The following RUBCN variants were observed in gnomAD, a reference collection of about 807,000 sequenced individuals.
RUBCN encodes the protein rubicon autophagy regulator.
A neutral mutation model predicts 113.2 loss-of-function variants in RUBCN; 74 were observed. The observed-to-expected ratio is 0.65, with a 90% CI of 0.54 to 0.79. RUBCN has a LOEUF of 0.79. Among genes scored for constraint, RUBCN ranks in the 30% least tolerant of loss-of-function variants. RUBCN has a pLI of 0.00. For missense variants in RUBCN, 1,109 were observed against 1,251.7 expected (o/e 0.89, Z 1.72); for synonymous variants, 480 against 490.0 (o/e 0.98, Z 0.27).
intron 16 of RUBCN, among the ~76,000 whole-genome samples, chr3:197,678,640 G>A (rs1276259651): frequency 6.7e-6 from 1 of 148,738 alleles, no homozygotes; most frequent in Non-Finnish European, 1.5e-5. Context: ...ACTGTCCTAC[G>A]CTCTAACTGA....
rs759525431 is a variant in RUBCN, at chr3:197,677,524, C to T, written c.2448G>A (p.Leu816=). ...TCTTGAACATGTTCTTCATGTGACA[C>T]AGCTGGACCCGCAGCAGCTGAAAAG... ...LNQVRLLRVQ[L]CHMKNMFKTC... is the part of the protein sequence containing the mutation. Residue 816 remains leucine (L), a synonymous_variant, in exon 17 of 20, where the codon CTG becomes CTA. Coordinates refer to ENST00000296343, the MANE Select transcript of RUBCN (RefSeq NM_014687.4). 4.3e-6 allele frequency: 7 copies of T among 1,614,136 alleles called. No individual in the cohort carries two copies. The South Asian group carries it at 4.4e-5, about 10-fold the overall frequency.
chr3:197,687,655 C>T (rs552144354), intron 11 of RUBCN, among the ~76,000 whole-genome samples: 26 of 152,238 alleles, frequency 1.7e-4, no homozygotes, highest in Admixed American at 2.0e-4. Flanking sequence ...TCATAAACAG[C>T]TCCCTCGGCA....
At chr3:197,718,184 T>C in intron 1 of RUBCN, 54 bp from the exon 2 acceptor site, 1 of 1,602,166 alleles carries the variant, frequency 6.2e-7, no homozygotes, top group South Asian at 1.1e-5. Context: ...TACTTGATCC[T>C]GATCATATCA....
At chr3:197,743,713 C>T (rs576156314) in intron 1 of RUBCN, among the ~76,000 whole-genome samples, 4 of 152,270 alleles carry the variant, frequency 2.6e-5, no homozygotes, top group Non-Finnish European at 2.9e-5. Flanking sequence ...TGGCCAGGCG[C>T]GGTGGCTCAC....
In RUBCN at chr3:197,673,204, G is replaced by A. The variant is rs530223890; in HGVS notation, c.*1814C>T. The A allele has an allele frequency of 6.6e-6, 1 of 152,350 alleles. No individual in the cohort carries two copies. The highest frequency in any genetic ancestry group is 1.5e-5 in the Non-Finnish European group (1 of 68,038). The allele number at this position is 152,350 out of a possible 1,614,324, so 9.4% of individuals were successfully genotyped here. A position where few individuals can be genotyped will look rare whatever the true frequency, so the allele number is the denominator to read the frequency against. ...ATGAACAGAAGGGAGAACAGCCTCA[G>A]GGTCTTCTAGCCCTACATGGCTTTC... On this transcript the variant is annotated 3_prime_UTR_variant, in exon 20 of 20. Coordinates refer to ENST00000296343, the MANE Select transcript of RUBCN (RefSeq NM_014687.4).
chr3:197,734,044 TCAGGAGTTTGAGAC>T (rs1727828188), intron 1 of RUBCN, among the ~76,000 whole-genome samples: 1 of 151,892 alleles, frequency 6.6e-6, no homozygotes, highest in Non-Finnish European at 1.5e-5. Flanking sequence ...TCCTCTGAGG[TCAGGAGTTTGAGAC>T]CAGCCTGGCC....
At chr3:197,693,908 T>G (rs1303196582) in intron 10 of RUBCN, 92 bp from the exon 11 acceptor site, 1 of 841,706 alleles carries the variant, frequency 1.2e-6, no homozygotes, top group Non-Finnish European at 2.0e-6. Flanking sequence ...TGATATGACC[T>G]CAACAGAGAG....
At chr3:197,679,786 T>G (rs1417631041) in intron 16 of RUBCN, among the ~76,000 whole-genome samples, 1 of 145,318 alleles carries the variant, frequency 6.9e-6, no homozygotes, top group East Asian at 2.1e-4. Context: ...CTTCAGACTG[T>G]CCTACGCTCT....
chr3:197,741,908 T>A (rs1189811154), intron 1 of RUBCN, among the ~76,000 whole-genome samples: 2 of 151,758 alleles, frequency 1.3e-5, no homozygotes, highest in Non-Finnish European at 2.9e-5. Flanking sequence ...TGCTTTTTCT[T>A]TTTTTTTGAG....
At position 197,701,291 on chromosome 3, in the gene RUBCN, G is replaced by A. The variant is rs1270389502; in HGVS notation, c.728-145C>T. The A allele has an allele frequency of 4.0e-5, 29 of 716,770 alleles. No homozygotes were observed. The East Asian group carries it at 4.1e-4, about 10-fold the overall frequency. The allele number at this position is 716,770 out of a possible 1,614,324, so 44.4% of individuals were successfully genotyped here. On this transcript the variant is annotated intron_variant, in intron 6 of 19. Coordinates refer to ENST00000296343, the MANE Select transcript of RUBCN (RefSeq NM_014687.4). ...TACAAAATTATTTAGAAGCAGCTAA[G>A]TCAAGAGTATGGGCTCCTGAGACAG...
At chr3:197,719,294 T>A (rs192805811) in intron 1 of RUBCN, among the ~76,000 whole-genome samples, 2 of 151,988 alleles carry the variant, frequency 1.3e-5, no homozygotes, top group East Asian at 3.9e-4. Flanking sequence ...CTGGCCAACA[T>A]GGTGAAAACC....
At chr3:197,689,669 A>G (rs2108871747) in intron 11 of RUBCN, among the ~76,000 whole-genome samples, 1 of 152,368 alleles carries the variant, frequency 6.6e-6, no homozygotes, top group South Asian at 2.1e-4. Context: ...TTATTTCTCT[A>G]ATCTTAAAAA....
chr3:197,680,907 C>T (rs1018015721), intron 16 of RUBCN, among the ~76,000 whole-genome samples: 8 of 150,686 alleles, frequency 5.3e-5, no homozygotes, highest in African/African-American at 2.0e-4. Context: ...AGGGCATGAA[C>T]GGAGAGACGG....
chr3:197,747,182 A>T (rs1728782299), intron 1 of RUBCN, among the ~76,000 whole-genome samples: 1 of 152,018 alleles, frequency 6.6e-6, no homozygotes. Context: ...GCCATTACCC[A>T]CAATGCTTCA....
chr3:197,682,812 C>T (rs1302335206), intron 13 of RUBCN, among the ~76,000 whole-genome samples, 197 bp from the exon 14 acceptor site: 8 of 152,120 alleles, frequency 5.3e-5, no homozygotes, highest in Admixed American at 5.2e-4. Flanking sequence ...TTCAGGAACA[C>T]CACAGGATAA....
At chr3:197,710,295 C>G (rs1309480060) in intron 2 of RUBCN, among the ~76,000 whole-genome samples, 1 of 152,084 alleles carries the variant, frequency 6.6e-6, no homozygotes, top group Admixed American at 6.6e-5. Context: ...ACAGTAAAAG[C>G]CACCATAAGA....
At chr3:197,733,225 T>C (rs1311419723) in intron 1 of RUBCN, among the ~76,000 whole-genome samples, 1 of 152,216 alleles carries the variant, frequency 6.6e-6, no homozygotes, top group Non-Finnish European at 1.5e-5. Context: ...GTAATCCCAG[T>C]GCTCTGGGAG....
intron 1 of RUBCN, among the ~76,000 whole-genome samples, chr3:197,729,321 C>T (rs1560469299): frequency 6.6e-6 from 1 of 152,040 alleles, no homozygotes; most frequent in Non-Finnish European, 1.5e-5. Flanking sequence ...GGCGCGATCT[C>T]GGCTCACTAC....
chr3:197,715,234 A>G (rs113389370), intron 2 of RUBCN, among the ~76,000 whole-genome samples: 14,847 of 150,414 alleles, frequency 0.099, 860 homozygotes, highest in Middle Eastern at 0.15. Flanking sequence ...GGCTGTGGTG[A>G]GCCGAGATCG....
Sources: gnomAD v4.1 joint callset for allele counts (sites outside exome capture counted in the v4.1 genomes callset) on GRCh38, gnomAD v4.1.1 for gene constraint, MANE v1.5 for transcripts, NCBI Gene and HGNC (gene_info 2026-07-23, HGNC 2026-07-21) for gene names.